The following AGR2 variants were observed in gnomAD, a reference collection of about 807,000 sequenced individuals.
AGR2 encodes the protein anterior gradient 2, protein disulphide isomerase family member, also known as anterior gradient protein 2 homolog.
Under a neutral mutation model 25.9 loss-of-function variants are expected in AGR2, and 27 were observed. The ratio of observed to expected loss-of-function variants is 1.04; its 90% confidence interval spans 0.77 to 1.44. The LOEUF is 1.44. Ranked by LOEUF, AGR2 falls within the 40% of genes most tolerant of loss-of-function variation. AGR2 has a pLI of 0.00. For missense variants in AGR2, 182 were observed against 200.9 expected (o/e 0.91, Z 0.57); for synonymous variants, 78 against 72.0 (o/e 1.08, Z -0.42).
chr7:16,801,341 G>A lies in AGR2; in HGVS notation c.182C>T (p.Ala61Val). The change falls in exon 3 of 8, where the codon GCT becomes GTT. Residue 61 changes from alanine (A) to valine (V), a missense_variant. Coordinates refer to ENST00000419304, the MANE Select transcript of AGR2 (RefSeq NM_006408.4). The stretch of plus-strand genomic sequence containing the variant: ...TTACCTTGTCTTGGATTTATATAGA[G>A]CTTCTTCATATGTCTGAGTCCAGAT... ...QLIWTQTYEE[A>V]LYKSKTSNKP... 6.2e-7 allele frequency: 1 copy of A among 1,613,766 alleles called. No homozygotes were observed. Among genetic ancestry groups the A allele is most frequent in the African/African-American group, 1.3e-5 (1 of 75,044 alleles).
chr7:16,799,448 G>A lies in AGR2; in HGVS notation c.330+296C>T, dbSNP rs1313304313. ...TTAAGAATGGGTGTAGAGAAGCCAG[G>A]ACTATAGAGGGACAGGCACAGCAAG... On this transcript the variant is annotated intron_variant, in intron 5 of 7. Coordinates refer to ENST00000419304, the MANE Select transcript of AGR2 (RefSeq NM_006408.4). The A allele has an allele frequency of 2.2e-5, 7 of 312,318 alleles. No individual in the cohort carries two copies. The Admixed American group carries it at 3.2e-4, about 14-fold the overall frequency. The allele number at this position is 312,318 out of a possible 1,614,324, so 19.3% of individuals were successfully genotyped here.
At chr7:16,795,166 C>T (rs1785023692) in intron 6 of AGR2, 147 bp from the exon 7 acceptor site, 1 of 832,770 alleles carries the variant, frequency 1.2e-6, no homozygotes, top group Non-Finnish European at 1.9e-6. Flanking sequence ...GATCCATCCA[C>T]TCTACTACCC....
intron 1 of AGR2, 104 bp from the exon 2 acceptor site, chr7:16,801,907 CTGCTG>C: frequency 1.1e-6 from 1 of 920,740 alleles, no homozygotes. Flanking sequence ...AACTGAGGCT[CTGCTG>C]AGACTGGACA....
rs1784979245 is a variant in AGR2 at position 16,792,424 on chromosome 7, A to G, written c.*484T>C. ...TGATTTTCTTGGGATGTTTTTCTAA[A>G]TATTCTTTTATGCTAAAGCACATGG... is the stretch of plus-strand genomic sequence containing the variant. On this transcript the variant is annotated 3_prime_UTR_variant, in exon 8 of 8. Coordinates refer to ENST00000419304, the MANE Select transcript of AGR2 (RefSeq NM_006408.4). 2 of 153,386 alleles carry G rather than the reference A, an allele frequency of 1.3e-5. No individual in the cohort carries two copies. The highest frequency in any genetic ancestry group is 2.9e-5 in the Non-Finnish European group (2 of 68,562). The allele number at this position is 153,386 out of a possible 1,614,324, so 9.5% of individuals were successfully genotyped here. A position where few individuals can be genotyped will look rare whatever the true frequency, so the allele number is the denominator to read the frequency against.
At chr7:16,800,366 G>T (rs1477193963) in intron 4 of AGR2, among the ~76,000 whole-genome samples, 4 of 152,184 alleles carry the variant, frequency 2.6e-5, no homozygotes, top group African/African-American at 9.7e-5. Flanking sequence ...TAGCTGTGAG[G>T]TGGGAATGAG....
chr7:16,794,836 C>T, intron 7 of AGR2, 100 bp downstream of exon 7: 2 of 1,584,384 alleles, frequency 1.3e-6, no homozygotes, highest in Non-Finnish European at 1.7e-6. Flanking sequence ...GTCCCTAAGC[C>T]TAGCTCTCTC....
intron 1 of AGR2, among the ~76,000 whole-genome samples, chr7:16,803,596 T>C (rs1348539824): frequency 1.3e-5 from 2 of 152,330 alleles, no homozygotes; most frequent in East Asian, 1.9e-4. Context: ...ATCCATAGTA[T>C]GTAAGCACAA....
chr7:16,792,734 C>G lies in AGR2; in HGVS notation c.*174G>C. ...ATACAATATTGTTTTCACACATGTA[C>G]ACTTGAAACCAAATTTCTAAAACTT... On this transcript the variant is annotated 3_prime_UTR_variant, in exon 8 of 8. Transcript: ENST00000419304. The G allele has an allele frequency of 3.2e-6, 2 of 634,138 alleles. No homozygotes were observed. Among genetic ancestry groups the G allele is most frequent in the Non-Finnish European group, 5.6e-6 (2 of 357,572 alleles). 39.3% of individuals were successfully genotyped at this position (634,138 alleles called of 1,614,324 possible).
intron 1 of AGR2, among the ~76,000 whole-genome samples, chr7:16,804,370 C>T (rs181293808): frequency 1.7e-3 from 261 of 152,094 alleles, no homozygotes; most frequent in Non-Finnish European, 1.7e-3. Context: ...AATGAACTTG[C>T]AAGACATTTT....
chr7:16,798,317 T>G (rs924112115), intron 5 of AGR2, among the ~76,000 whole-genome samples: 9 of 152,052 alleles, frequency 5.9e-5, no homozygotes, highest in African/African-American at 1.9e-4. Context: ...CAGGAGTCAG[T>G]TAGGTGGAAA....
At chr7:16,794,835 C>A in intron 7 of AGR2, 101 bp downstream of exon 7, 1 of 1,583,300 alleles carries the variant, frequency 6.3e-7, no homozygotes, top group Non-Finnish European at 8.6e-7. Context: ...CGTCCCTAAG[C>A]CTAGCTCTCT....
intron 1 of AGR2, chr7:16,803,220 T>C (rs1252413905): frequency 6.6e-6 from 1 of 152,140 alleles, no homozygotes; most frequent in Non-Finnish European, 1.5e-5. Flanking sequence ...GGAAAGTACA[T>C]GGCAAGATAA....
At chr7:16,802,270 T>C (rs888744089) in intron 1 of AGR2, among the ~76,000 whole-genome samples, 1 of 152,194 alleles carries the variant, frequency 6.6e-6, no homozygotes, top group African/African-American at 2.4e-5. Flanking sequence ...AACTTTATCA[T>C]AGATATGTAT....
At chr7:16,795,458 T>TA (rs71648862) in intron 6 of AGR2, among the ~76,000 whole-genome samples, 47 of 151,886 alleles carry the variant, frequency 3.1e-4, no homozygotes, top group African/African-American at 1.1e-3. Flanking sequence ...ACGAGTTTTT[T>TA]AAAAAAAGTT....
intron 6 of AGR2, among the ~76,000 whole-genome samples, 182 bp downstream of exon 6, chr7:16,797,449 G>A (rs928003091): frequency 6.6e-6 from 1 of 152,174 alleles, no homozygotes; most frequent in Admixed American, 6.5e-5. Context: ...TGTGGAAATA[G>A]GTAAAAGCTC....
At chr7:16,798,002 G>A (rs984585209) in intron 5 of AGR2, among the ~76,000 whole-genome samples, 2 of 152,216 alleles carry the variant, frequency 1.3e-5, no homozygotes, top group African/African-American at 4.8e-5. Flanking sequence ...AAGGAAAAAA[G>A]CAGATGTCAT....
At chr7:16,794,799 T>A in intron 7 of AGR2, 137 bp downstream of exon 7, 1 of 1,533,644 alleles carries the variant, frequency 6.5e-7, no homozygotes, top group East Asian at 2.5e-5. Flanking sequence ...GATGCAAGGC[T>A]AGTTAGGGTC....
Position 16,794,736 on chromosome 7 carries a change from A to G in AGR2, c.478+200T>C, listed in dbSNP as rs1169837605. 7 of 1,353,578 alleles carry G rather than the reference A, an allele frequency of 5.2e-6. No individual in the cohort carries two copies. In the African/African-American group the frequency reaches 5.9e-5, roughly 11 times the overall value. The allele number at this position is 1,353,578 out of a possible 1,614,324, so 83.8% of individuals were successfully genotyped here. A position where few individuals can be genotyped will look rare whatever the true frequency, so the allele number is the denominator to read the frequency against. On this transcript the variant is annotated intron_variant, in intron 7 of 7. Coordinates refer to ENST00000419304, the MANE Select transcript of AGR2 (RefSeq NM_006408.4). ...ACCTAATCTAAATAATTCATCTTCA[A>G]TTGAGATTAAAAACAAACAAACCTG...
chr7:16,795,915 A>G (rs1785037652), intron 6 of AGR2, among the ~76,000 whole-genome samples: 1 of 152,274 alleles, frequency 6.6e-6, no homozygotes, highest in Non-Finnish European at 1.5e-5. Flanking sequence ...GCAGATGTAC[A>G]TTTATTCACC....
Sources: gnomAD v4.1 joint callset for allele counts (sites outside exome capture counted in the v4.1 genomes callset) on GRCh38, gnomAD v4.1.1 for gene constraint, MANE v1.5 for transcripts, NCBI Gene and HGNC (gene_info 2026-07-23, HGNC 2026-07-21) for gene names.